OPCML: variants seen among roughly 807,000 people sequenced by gnomAD.
OPCML encodes the protein opioid-binding protein/cell adhesion molecule.
Under a neutral mutation model 37.8 loss-of-function variants are expected in OPCML, and 13 were observed. That is an observed-to-expected ratio of 0.34 (90% CI 0.22 to 0.55). The LOEUF is 0.55. Ranked by LOEUF, OPCML falls within the 20% of genes least tolerant of loss-of-function variation. OPCML has a pLI of 0.91. For missense variants in OPCML, 341 were observed against 435.6 expected (o/e 0.78, Z 1.93); for synonymous variants, 176 against 168.8 (o/e 1.04, Z -0.33).
chr11:133,310,197 C>T (rs1158580564), intron 1 of OPCML, among the ~76,000 whole-genome samples: 1 of 152,116 alleles, frequency 6.6e-6, no homozygotes, highest in Non-Finnish European at 1.5e-5. Flanking sequence ...AGGGGTATGG[C>T]TTACTCATTT....
intron 1 of OPCML, among the ~76,000 whole-genome samples, chr11:133,109,165 G>C (rs1417493640): frequency 6.6e-6 from 1 of 152,118 alleles, no homozygotes; most frequent in Non-Finnish European, 1.5e-5. Flanking sequence ...TCTGGAGTTG[G>C]TTCCTTCCGG....
At chr11:133,119,830 T>A (rs1439508039) in intron 1 of OPCML, among the ~76,000 whole-genome samples, 2 of 152,166 alleles carry the variant, frequency 1.3e-5, no homozygotes, top group South Asian at 4.2e-4. Context: ...TCGCACAGGA[T>A]GCACGTGGGA....
rs190740377 is a variant in OPCML at position 132,590,577 on chromosome 11, T to C, written c.380-61391A>G. On this transcript the variant is annotated intron_variant, in intron 3 of 7. Transcript: ENST00000524381. ...TAAAATTCTCAACATCTCCATGAGGTAGGTAAAATTCACGTTTTACAGATA... is the reference window on the plus strand; with the variant it reads ...TAAAATTCTCAACATCTCCATGAGGCAGGTAAAATTCACGTTTTACAGATA... Among the ~76,000 whole-genome samples, 3 of 152,334 alleles carry C rather than the reference T, an allele frequency of 2.0e-5. No individual in the cohort carries two copies. The East Asian group carries it at 5.8e-4, about 29-fold the overall frequency.
chr11:132,777,553 G>C (rs1946848684), intron 2 of OPCML, among the ~76,000 whole-genome samples: 1 of 152,154 alleles, frequency 6.6e-6, no homozygotes, highest in South Asian at 2.1e-4. Flanking sequence ...GCTGCCTGCT[G>C]ATTTTTATAC....
intron 2 of OPCML, among the ~76,000 whole-genome samples, chr11:132,799,983 A>G (rs1938553237): frequency 6.6e-6 from 1 of 152,228 alleles, no homozygotes; most frequent in Non-Finnish European, 1.5e-5. Flanking sequence ...GGATTTCAAT[A>G]AGAACTTATT....
chr11:133,184,603 G>A (rs1281664660), intron 1 of OPCML, among the ~76,000 whole-genome samples: 1 of 152,040 alleles, frequency 6.6e-6, no homozygotes, highest in Admixed American at 6.6e-5. Context: ...ATCACCATTG[G>A]CAGATCTATA....
intron 3 of OPCML, among the ~76,000 whole-genome samples, chr11:132,605,070 T>C (rs1181552510): frequency 2.6e-5 from 4 of 152,144 alleles, no homozygotes; most frequent in Admixed American, 2.0e-4. Context: ...CTAAGAATCA[T>C]AGTGCAGTCA....
chr11:132,992,016 C>T (rs1946789848), intron 1 of OPCML, among the ~76,000 whole-genome samples: 1 of 150,376 alleles, frequency 6.6e-6, no homozygotes, highest in Non-Finnish European at 1.5e-5. Context: ...AATGCTGTAA[C>T]ATTTGATCTC....
At chr11:132,526,377 G>A (rs1430547575) in intron 4 of OPCML, among the ~76,000 whole-genome samples, 1 of 152,072 alleles carries the variant, frequency 6.6e-6, no homozygotes, top group African/African-American at 2.4e-5. Context: ...TGGAACCCAT[G>A]TCTTGGGGAA....
At chr11:132,657,682 G>A (rs1427223332) in intron 2 of OPCML, among the ~76,000 whole-genome samples, 6 of 152,138 alleles carry the variant, frequency 3.9e-5, no homozygotes, top group Non-Finnish European at 8.8e-5. Flanking sequence ...ACATGGGAGA[G>A]AGAGTGGATC....
intron 1 of OPCML, among the ~76,000 whole-genome samples, chr11:133,141,727 G>A (rs183996234): frequency 6.6e-6 from 1 of 152,272 alleles, no homozygotes; most frequent in Non-Finnish European, 1.5e-5. Context: ...CAGCATATCT[G>A]AAGCTAAAAT....
At position 133,418,264 on chromosome 11, in the gene OPCML, C is replaced by T. The variant is rs1036808716; in HGVS notation, c.61+114000G>A. On this transcript the variant is annotated intron_variant, in intron 1 of 7. Coordinates refer to ENST00000524381, the MANE Select transcript of OPCML (RefSeq NM_001012393.5). ...AGAAGGCCAAGTACAAGGTCAACAC[C>T]ATTCTAGAGTGACATGGGAGGTTTA... The T allele has an allele frequency of 4.1e-6, 4 of 985,206 alleles. No individual in the cohort carries two copies. The South Asian group carries it at 1.4e-4, about 35-fold the overall frequency. 61.0% of individuals were successfully genotyped at this position (985,206 alleles called of 1,614,324 possible). A position where few individuals can be genotyped will look rare whatever the true frequency, so the allele number is the denominator to read the frequency against.
chr11:133,114,145 C>T (rs575443661), intron 1 of OPCML, among the ~76,000 whole-genome samples: 1 of 152,240 alleles, frequency 6.6e-6, no homozygotes, highest in African/African-American at 2.4e-5. Context: ...AAATCTTATG[C>T]GACAGTCCTG....
At chr11:133,427,225 A>G (rs544391443) in intron 1 of OPCML, among the ~76,000 whole-genome samples, 1 of 152,330 alleles carries the variant, frequency 6.6e-6, no homozygotes, top group African/African-American at 2.4e-5. Context: ...AAAGGCATCA[A>G]TAAATTCTTA....
At chr11:132,478,935 C>A (rs531275837) in intron 4 of OPCML, among the ~76,000 whole-genome samples, 1 of 152,126 alleles carries the variant, frequency 6.6e-6, no homozygotes, top group Non-Finnish European at 1.5e-5. Context: ...TACTCATCAG[C>A]TGAACATGTA....
At chr11:132,946,638 T>G (rs1945750710) in intron 1 of OPCML, among the ~76,000 whole-genome samples, 1 of 152,128 alleles carries the variant, frequency 6.6e-6, no homozygotes, top group Non-Finnish European at 1.5e-5. Flanking sequence ...AGTGATCCAC[T>G]GGGTTAGGTC....
intron 1 of OPCML, among the ~76,000 whole-genome samples, chr11:133,146,716 C>A (rs532130437): frequency 1.3e-5 from 2 of 152,214 alleles, no homozygotes; most frequent in Admixed American, 6.5e-5. Context: ...CTGCCTCAGC[C>A]TCCCAAAGTG....
At chr11:133,335,893 A>G (rs1943735523) in intron 1 of OPCML, among the ~76,000 whole-genome samples, 1 of 152,066 alleles carries the variant, frequency 6.6e-6, no homozygotes, top group African/African-American at 2.4e-5. Context: ...CCTACCAACC[A>G]CAGAGAACAA....
chr11:132,602,492 G>T (rs1483123591), intron 3 of OPCML, among the ~76,000 whole-genome samples: 3 of 152,132 alleles, frequency 2.0e-5, no homozygotes, highest in African/African-American at 7.2e-5. Flanking sequence ...AAAAAATTCT[G>T]TTTGCTTCTG....
Sources: gnomAD v4.1 joint callset for allele counts (sites outside exome capture counted in the v4.1 genomes callset) on GRCh38, gnomAD v4.1.1 for gene constraint, MANE v1.5 for transcripts, NCBI Gene and HGNC (gene_info 2026-07-23, HGNC 2026-07-21) for gene names.